The following STK24 variants were observed in gnomAD, a reference collection of about 807,000 sequenced individuals.
The protein encoded by STK24 is serine/threonine-protein kinase 24.
In STK24, 21 loss-of-function variants were observed where a neutral mutation model predicts 55.6. The observed-to-expected ratio is 0.38, with a 90% CI of 0.27 to 0.54. STK24 has a LOEUF of 0.54. STK24 is among the 20% of genes least tolerant of loss of function. The pLI, the probability that STK24 is intolerant of heterozygous loss-of-function variation, is 0.79. For missense variants in STK24, 383 were observed against 538.4 expected (o/e 0.71, Z 2.86); for synonymous variants, 200 against 215.2 (o/e 0.93, Z 0.62).
chr13:98,474,030 G>C (rs189707476), intron 5 of STK24, among the ~76,000 whole-genome samples: 1 of 152,298 alleles, frequency 6.6e-6, no homozygotes, highest in South Asian at 2.1e-4. Flanking sequence ...CCAATTCTCC[G>C]TGGATCATGT....
chr13:98,467,335 T>C (rs187714290), intron 5 of STK24, among the ~76,000 whole-genome samples: 14 of 152,298 alleles, frequency 9.2e-5, no homozygotes, highest in Non-Finnish European at 1.6e-4. Flanking sequence ...ATATACAGAC[T>C]TTTTACTACC....
intron 8 of STK24, among the ~76,000 whole-genome samples, chr13:98,461,424 A>G (rs1161836775): frequency 6.6e-6 from 1 of 152,254 alleles, no homozygotes; most frequent in Admixed American, 6.5e-5. Context: ...TATGATATGT[A>G]TGTAAGTAAC....
chr13:98,532,707 C>T (rs375121285), intron 1 of STK24, among the ~76,000 whole-genome samples: 3 of 152,194 alleles, frequency 2.0e-5, no homozygotes, highest in Admixed American at 6.5e-5. Context: ...AATATTCTTT[C>T]GAAGAAAAGT....
At chr13:98,460,310 A>C (rs1893647013) in intron 9 of STK24, 62 bp downstream of exon 9, 2 of 1,448,502 alleles carry the variant, frequency 1.4e-6, no homozygotes, top group African/African-American at 1.4e-5. Context: ...TCACCACTGA[A>C]GTGTGTCCAG....
Position 98,576,876 on chromosome 13 carries a change from T to C in STK24, c.-90A>G, listed in dbSNP as rs1230064619. On this transcript the variant is annotated 5_prime_UTR_variant, in exon 1 of 11. Coordinates refer to ENST00000539966, the MANE Select transcript of STK24 (RefSeq NM_001032296.4). Reference sequence around the variant, plus strand: ...GAGGCCCGCGGGCCGCGCGCAGCCCTCGGGCGGCGGGGCCGGCCGGAGCCC... The same window carrying C: ...GAGGCCCGCGGGCCGCGCGCAGCCCCCGGGCGGCGGGGCCGGCCGGAGCCC... 2.8e-5 allele frequency: 22 copies of C among 790,662 alleles called. No homozygotes were observed. Among genetic ancestry groups the C allele is most frequent in the Non-Finnish European group, 3.2e-5 (21 of 659,212 alleles). The allele number at this position is 790,662 out of a possible 1,614,324, so 49.0% of individuals were successfully genotyped here.
Position 98,451,422 on chromosome 13 carries a change from A to G in STK24, c.*1751T>C, listed in dbSNP as rs1248254613. On this transcript the variant is annotated 3_prime_UTR_variant, in exon 11 of 11. Transcript: ENST00000539966. Reference sequence around the variant, plus strand: ...TGAGTACAATAAGAATTAGCAACTCAGTTCTATTTCCCCAACCAAAATATA... The same window carrying G: ...TGAGTACAATAAGAATTAGCAACTCGGTTCTATTTCCCCAACCAAAATATA... 6.6e-6 allele frequency: 1 copy of G among 152,244 alleles called. No individual in the cohort carries two copies. The highest frequency in any genetic ancestry group is 1.5e-5 in the Non-Finnish European group (1 of 68,042). The allele number at this position is 152,244 out of a possible 1,614,324, so 9.4% of individuals were successfully genotyped here. A position where few individuals can be genotyped will look rare whatever the true frequency, so the allele number is the denominator to read the frequency against.
chr13:98,539,002 G>C (rs1002415364), intron 1 of STK24, among the ~76,000 whole-genome samples: 2 of 152,238 alleles, frequency 1.3e-5, no homozygotes, highest in African/African-American at 2.4e-5. Flanking sequence ...ACACAGAAAG[G>C]AAAGGGCGAC....
At chr13:98,480,752 T>G (rs1894550656) in intron 3 of STK24, among the ~76,000 whole-genome samples, 1 of 152,230 alleles carries the variant, frequency 6.6e-6, no homozygotes, top group African/African-American at 2.4e-5. Context: ...TTCATTTTAT[T>G]CTAGAATTAA....
intron 1 of STK24, among the ~76,000 whole-genome samples, chr13:98,520,594 G>C (rs542714190): frequency 6.6e-6 from 1 of 152,230 alleles, no homozygotes; most frequent in African/African-American, 2.4e-5. Context: ...AGGGTATCCA[G>C]AGTGGTGCAT....
chr13:98,448,023 C>A lies in STK24; in HGVS notation c.*5150G>T, dbSNP rs1892963410. 1.7e-6 allele frequency: 1 copy of A among 586,528 alleles called. No individual in the cohort carries two copies. Among genetic ancestry groups the A allele is most frequent in the Non-Finnish European group, 3.1e-6 (1 of 327,134 alleles). 36.3% of individuals were successfully genotyped at this position (586,528 alleles called of 1,614,324 possible). ...GCAGTGTCACTGCAGCAAGGTACTTCCAGCTCCACACTGAGTGAGTGCCCA... is the reference window on the plus strand; with the variant it reads ...GCAGTGTCACTGCAGCAAGGTACTTACAGCTCCACACTGAGTGAGTGCCCA... On this transcript the variant is annotated 3_prime_UTR_variant, in exon 11 of 11. Coordinates refer to ENST00000539966, the MANE Select transcript of STK24 (RefSeq NM_001032296.4).
chr13:98,489,839 G>A (rs923974559), intron 2 of STK24, among the ~76,000 whole-genome samples: 1 of 152,220 alleles, frequency 6.6e-6, no homozygotes, highest in East Asian at 1.9e-4. Context: ...GGAAGTCAGC[G>A]AAACTTGTGC....
chr13:98,548,439 T>C (rs1251504867), intron 1 of STK24, among the ~76,000 whole-genome samples: 1 of 152,128 alleles, frequency 6.6e-6, no homozygotes, highest in African/African-American at 2.4e-5. Flanking sequence ...AACTAAAGGC[T>C]GAGATAGGAA....
At chr13:98,543,984 T>A (rs75267530) in intron 1 of STK24, among the ~76,000 whole-genome samples, 1 of 152,166 alleles carries the variant, frequency 6.6e-6, no homozygotes, top group Non-Finnish European at 1.5e-5. Flanking sequence ...TGGCTCTAAT[T>A]TGGAGTCATG....
At chr13:98,549,441 A>G (rs1002301674) in intron 1 of STK24, among the ~76,000 whole-genome samples, 7 of 152,190 alleles carry the variant, frequency 4.6e-5, no homozygotes, top group Non-Finnish European at 8.8e-5. Context: ...CTGCATGATG[A>G]AATGCAATCC....
At chr13:98,479,861 AAAAGGGT>A (rs1392192041) in intron 3 of STK24, among the ~76,000 whole-genome samples, 1 of 152,188 alleles carries the variant, frequency 6.6e-6, no homozygotes, top group Non-Finnish European at 1.5e-5. Flanking sequence ...AGGCCAACAG[AAAAGGGT>A]AAAGATGGAG....
In STK24 at chr13:98,447,925, C is replaced by T; in HGVS notation, c.*5248G>A. The T allele has an allele frequency of 2.4e-6, 1 of 408,310 alleles. No individual in the cohort carries two copies. The highest frequency in any genetic ancestry group is 4.4e-6 in the Non-Finnish European group (1 of 225,074). The allele number at this position is 408,310 out of a possible 1,614,324, so 25.3% of individuals were successfully genotyped here. A position where few individuals can be genotyped will look rare whatever the true frequency, so the allele number is the denominator to read the frequency against. On this transcript the variant is annotated 3_prime_UTR_variant, in exon 11 of 11. Coordinates refer to ENST00000539966, the MANE Select transcript of STK24 (RefSeq NM_001032296.4). ...CACGTCCCGCCATTCTCTGCCATGT[C>T]CATGAAAATAGGAGGTAGCGTTCTC...
intron 5 of STK24, among the ~76,000 whole-genome samples, chr13:98,473,907 G>A (rs775614715): frequency 6.6e-6 from 1 of 152,234 alleles, no homozygotes; most frequent in Non-Finnish European, 1.5e-5. Flanking sequence ...TAACAAGGTG[G>A]GAAGTTTACT....
intron 1 of STK24, among the ~76,000 whole-genome samples, chr13:98,533,421 A>T (rs1362495898): frequency 2.0e-5 from 3 of 152,042 alleles, no homozygotes; most frequent in Non-Finnish European, 4.4e-5. Context: ...TAATATTTTA[A>T]TTAAGGAAAA....
At chr13:98,548,899 C>T (rs1462617381) in intron 1 of STK24, among the ~76,000 whole-genome samples, 1 of 144,648 alleles carries the variant, frequency 6.9e-6, no homozygotes, top group Non-Finnish European at 1.5e-5. Flanking sequence ...GAGTAAATGA[C>T]TAGATCTACC....
Sources: gnomAD v4.1 joint callset for allele counts (sites outside exome capture counted in the v4.1 genomes callset) on GRCh38, gnomAD v4.1.1 for gene constraint, MANE v1.5 for transcripts, NCBI Gene and HGNC (gene_info 2026-07-23, HGNC 2026-07-21) for gene names.